GALNT18: variants seen among roughly 807,000 people sequenced by gnomAD.
GALNT18 encodes polypeptide N-acetylgalactosaminyltransferase 18.
GALNT18 carries 44 observed loss-of-function variants against 69.5 expected under a neutral mutation model. That is an observed-to-expected ratio of 0.63 (90% CI 0.50 to 0.81). The LOEUF is 0.81. GALNT18 is among the 40% of genes least tolerant of loss of function. GALNT18 has a pLI of 0.00. For synonymous variants in GALNT18, 364 were observed against 318.2 expected, an observed-to-expected ratio of 1.14 and a Z score of -1.53; for missense variants, 715 against 810.0, an observed-to-expected ratio of 0.88 and a Z score of 1.42.
rs1171849422 is a variant in GALNT18 at position 11,315,882 on chromosome 11, A to G, written c.1512+11204T>C. On this transcript the variant is annotated intron_variant, in intron 9 of 10. Coordinates refer to ENST00000227756, the MANE Select transcript of GALNT18 (RefSeq NM_198516.3). This position sits in a 1 kb window ranked among gnomAD's most constrained non-coding sequence, Gnocchi z 5.6. The stretch of plus-strand genomic sequence containing the variant: ...GCACCCCCTCAAACAACCATCCTGC[A>G]CCGAGAAACTGAACGTGTGACAAAC... Among the ~76,000 whole-genome samples, 1 of 152,020 alleles carries G rather than the reference A, an allele frequency of 6.6e-6. No individual in the cohort carries two copies. The highest frequency in any genetic ancestry group is 1.9e-4 in the East Asian group (1 of 5,180).
chr11:11,375,778 A>T (rs1411131233), intron 5 of GALNT18, among the ~76,000 whole-genome samples: 1 of 118,136 alleles, frequency 8.5e-6, no homozygotes, highest in South Asian at 2.3e-4. Flanking sequence ...AATGTTTAAC[A>T]ACACAAAATT....
At position 11,523,516 on chromosome 11, in the gene GALNT18, G is replaced by A. The variant is rs894317848; in HGVS notation, c.236-74580C>T. Among the ~76,000 whole-genome samples, 1 of 151,902 alleles carries A rather than the reference G, an allele frequency of 6.6e-6. No individual in the cohort carries two copies. The highest frequency in any genetic ancestry group is 1.5e-5 in the Non-Finnish European group (1 of 67,978). ...GGGTGGATCATGAGGTCAGGAGATC[G>A]AGACCATCTTGGCTAACACAGTGAA... On this transcript the variant is annotated intron_variant, in intron 1 of 10. Coordinates refer to ENST00000227756, the MANE Select transcript of GALNT18 (RefSeq NM_198516.3). The surrounding 1 kb of genome is among the most constrained non-coding windows in gnomAD (Gnocchi z 4.3).
Position 11,396,652 on chromosome 11 carries a change from A to G in GALNT18, c.596-17388T>C, listed in dbSNP as rs1314718610. On this transcript the variant is annotated intron_variant, in intron 3 of 10. Transcript: ENST00000227756. The surrounding 1 kb of genome is among the most constrained non-coding windows in gnomAD (Gnocchi z 5.2). ...CTGGGGCAATAGTGTGGTTGGGGGC[A>G]GTAGGGATTAACGCCACCTAATCTA... Among the ~76,000 whole-genome samples the G allele has an allele frequency of 6.6e-6, 1 of 152,144 alleles. No homozygotes were observed. The highest frequency in any genetic ancestry group is 1.9e-4 in the East Asian group (1 of 5,182).
At chr11:11,276,708 T>C (rs897073630) in intron 10 of GALNT18, among the ~76,000 whole-genome samples, 2 of 151,670 alleles carry the variant, frequency 1.3e-5, no homozygotes, top group African/African-American at 4.8e-5. Flanking sequence ...TTATTGAGAG[T>C]GTTTGGCATG....
Position 11,377,454 on chromosome 11 carries a change from G to A in GALNT18, c.780-75C>T. ...AAATCCAGAGTAGCATCTCCTGAAG[G>A]TCCTTCCCCAGCAGAAAGAGGAAGG... On this transcript the variant is annotated intron_variant, in intron 4 of 10. Transcript: ENST00000227756. The surrounding 1 kb of genome is among the most constrained non-coding windows in gnomAD (Gnocchi z 4.6). 7.5e-7 allele frequency: 1 copy of A among 1,339,332 alleles called. No homozygotes were observed. Among genetic ancestry groups the A allele is most frequent in the South Asian group, 1.2e-5 (1 of 82,716 alleles). The allele number at this position is 1,339,332 out of a possible 1,614,324, so 83.0% of individuals were successfully genotyped here.
intron 5 of GALNT18, among the ~76,000 whole-genome samples, chr11:11,374,089 T>C (rs1589948808): frequency 6.6e-6 from 1 of 152,330 alleles, no homozygotes; most frequent in East Asian, 1.9e-4. Flanking sequence ...TTCAAATCAC[T>C]GCATTTTATT....
chr11:11,371,902 A>G (rs1299658060), intron 6 of GALNT18, among the ~76,000 whole-genome samples: 3 of 152,190 alleles, frequency 2.0e-5, no homozygotes, highest in Admixed American at 1.3e-4. Flanking sequence ...CCTCTTGGGG[A>G]TCCATGCCAT....
chr11:11,402,571 CA>C lies in GALNT18; in HGVS notation c.596-23308del, dbSNP rs1264051742. On this transcript the variant is annotated intron_variant, in intron 3 of 10. Transcript: ENST00000227756. This position sits in a 1 kb window ranked among gnomAD's most constrained non-coding sequence, Gnocchi z 4.0. ...GTTATGTGACACTGAGGACATCAGCCACAGCTCTTGGAGAGAAGGATTGCAC... is the reference window on the plus strand; with the variant it reads ...GTTATGTGACACTGAGGACATCAGCCCAGCTCTTGGAGAGAAGGATTGCAC... 6.6e-6 allele frequency among the ~76,000 whole-genome samples: 1 copy of C among 152,202 alleles called. No individual in the cohort carries two copies. Among genetic ancestry groups the C allele is most frequent in the Non-Finnish European group, 1.5e-5 (1 of 68,034 alleles).
chr11:11,330,091 A>G (rs1486730913), intron 8 of GALNT18, among the ~76,000 whole-genome samples: 1 of 152,176 alleles, frequency 6.6e-6, no homozygotes, highest in Admixed American at 6.5e-5. Context: ...ATGAAGCTCA[A>G]TGATCCAGGG....
Position 11,271,072 on chromosome 11 carries a change from C to G in GALNT18, c.*72G>C. On this transcript the variant is annotated 3_prime_UTR_variant, in exon 11 of 11. Transcript: ENST00000227756. ...GTTCCCCAGACTCCAAACAACCCCA[C>G]GTGGACAGCAGGCAACGTTGCAGCA... 1 of 1,465,806 alleles carries G rather than the reference C, an allele frequency of 6.8e-7. No homozygotes were observed. The highest frequency in any genetic ancestry group is 9.3e-7 in the Non-Finnish European group (1 of 1,072,702). The allele number at this position is 1,465,806 out of a possible 1,614,324, so 90.8% of individuals were successfully genotyped here. A position where few individuals can be genotyped will look rare whatever the true frequency, so the allele number is the denominator to read the frequency against.
In GALNT18 at chr11:11,428,610, C is replaced by T. The variant is rs552631558; in HGVS notation, c.595+4011G>A. Among the ~76,000 whole-genome samples, 23 of 152,352 alleles carry T rather than the reference C, an allele frequency of 1.5e-4. 1 individual carries two copies. The South Asian group carries it at 4.8e-3, about 32-fold the overall frequency. On this transcript the variant is annotated intron_variant, in intron 3 of 10. Transcript: ENST00000227756. ...TCTGTGCCCTGGATCCCATCTTCCT[C>T]CTCAGAGGCCCTGCTCCAAACTCTG...
At chr11:11,326,309 G>T (rs1238078966) in intron 9 of GALNT18, among the ~76,000 whole-genome samples, 1 of 152,132 alleles carries the variant, frequency 6.6e-6, no homozygotes, top group African/African-American at 2.4e-5. Flanking sequence ...CTCCCAAACT[G>T]CTGAGATTAC....
At chr11:11,490,241 ACACACAC>A (rs1856739380) in intron 1 of GALNT18, among the ~76,000 whole-genome samples, 2 of 63,406 alleles carry the variant, frequency 3.2e-5, no homozygotes, top group African/African-American at 4.7e-5. Context: ...TCTAACACAC[ACACACAC>A]ACACACACAC....
chr11:11,568,263 G>A (rs549575773), intron 1 of GALNT18, among the ~76,000 whole-genome samples: 1 of 152,106 alleles, frequency 6.6e-6, no homozygotes, highest in Non-Finnish European at 1.5e-5. Context: ...TTGTTATGCA[G>A]CCAGACTTCG....
intron 3 of GALNT18, among the ~76,000 whole-genome samples, chr11:11,426,427 G>A (rs566087781): frequency 6.6e-6 from 1 of 152,228 alleles, no homozygotes; most frequent in Non-Finnish European, 1.5e-5. Context: ...GACTCACAAA[G>A]AATCAGAGTG....
In GALNT18 at chr11:11,465,034, T is replaced by C. The variant is rs1412273227; in HGVS notation, c.236-16098A>G. On this transcript the variant is annotated intron_variant, in intron 1 of 10. Transcript: ENST00000227756. This position sits in a 1 kb window ranked among gnomAD's most constrained non-coding sequence, Gnocchi z 5.7. Reference sequence around the variant, plus strand: ...GTTGGGGTGGCTGCTTATTATTTCTTGTCTTCCCCACCAGAGTCAAGTACA... The same window carrying C: ...GTTGGGGTGGCTGCTTATTATTTCTCGTCTTCCCCACCAGAGTCAAGTACA... 6.6e-6 allele frequency among the ~76,000 whole-genome samples: 1 copy of C among 152,178 alleles called. No homozygotes were observed. The highest frequency in any genetic ancestry group is 1.5e-5 in the Non-Finnish European group (1 of 68,024).
intron 7 of GALNT18, among the ~76,000 whole-genome samples, chr11:11,334,637 C>T (rs1482940008): frequency 6.6e-6 from 1 of 152,142 alleles, no homozygotes. Flanking sequence ...TTTGAACCTG[C>T]TACAGCCTGA....
intron 6 of GALNT18, among the ~76,000 whole-genome samples, chr11:11,361,624 T>C (rs925650979): frequency 3.3e-5 from 5 of 152,232 alleles, no homozygotes; most frequent in African/African-American, 1.2e-4. Context: ...TTTCTGATAT[T>C]GAGTAACTAC....
chr11:11,575,004 C>A (rs1289184109), intron 1 of GALNT18, among the ~76,000 whole-genome samples: 3 of 152,234 alleles, frequency 2.0e-5, no homozygotes. Flanking sequence ...GTTCATCTAT[C>A]TAGCATGTGC....
Sources: allele counts gnomAD v4.1 joint callset (sites outside exome capture counted in the v4.1 genomes callset), GRCh38; gene constraint gnomAD v4.1.1; non-coding constraint Gnocchi (gnomAD v3.1); transcripts MANE v1.5; gene names NCBI Gene and HGNC (gene_info 2026-07-23, HGNC 2026-07-21).